TANK: variants seen among roughly 807,000 people sequenced by gnomAD.
The protein encoded by TANK is TRAF family member-associated NF-kappa-B activator.
In TANK, 15 loss-of-function variants were observed where a neutral mutation model predicts 43.6. The observed-to-expected ratio is 0.34, with a 90% CI of 0.23 to 0.53. TANK has a LOEUF of 0.53. Among genes scored for constraint, TANK ranks in the 20% least tolerant of loss-of-function variants. TANK has a pLI of 0.94. For missense variants in TANK, 417 were observed against 498.6 expected (o/e 0.84, Z 1.56); for synonymous variants, 162 against 178.2 (o/e 0.91, Z 0.73).
At chr2:161,139,100 T>C (rs1361809942) in intron 1 of TANK, among the ~76,000 whole-genome samples, 3 of 152,224 alleles carry the variant, frequency 2.0e-5, no homozygotes, top group Non-Finnish European at 2.9e-5. Flanking sequence ...CCTCATTTTT[T>C]CTAAATTACT....
chr2:161,221,126 C>T (rs1207943558), intron 4 of TANK, among the ~76,000 whole-genome samples: 10 of 152,070 alleles, frequency 6.6e-5, no homozygotes, highest in African/African-American at 1.2e-4. Context: ...ACTTACCCAG[C>T]GACATACTGG....
intron 1 of TANK, chr2:161,137,311 C>A: frequency 1.1e-6 from 1 of 920,844 alleles, no homozygotes; most frequent in Non-Finnish European, 1.3e-6. Context: ...ATCACTTGAG[C>A]CCAGGAGTTT....
chr2:161,214,064 T>G (rs887817757), intron 4 of TANK, among the ~76,000 whole-genome samples: 5 of 152,208 alleles, frequency 3.3e-5, no homozygotes, highest in Admixed American at 2.0e-4. Context: ...CATCACTGAT[T>G]GCATCAGAAA....
At position 161,160,448 on chromosome 2, in the gene TANK, C is replaced by T. The variant is rs574479206; in HGVS notation, c.-88C>T. 22 of 1,239,044 alleles carry T rather than the reference C, an allele frequency of 1.8e-5. No individual in the cohort carries two copies. In the African/African-American group the frequency reaches 2.5e-4, roughly 14 times the overall value. The allele number at this position is 1,239,044 out of a possible 1,614,324, so 76.8% of individuals were successfully genotyped here. ...GAGTCACTCGGCCAGGCGCCGGCGACCTGAGGGGAGAGGGAACGCAGCTGA... is the reference window on the plus strand; with the variant it reads ...GAGTCACTCGGCCAGGCGCCGGCGATCTGAGGGGAGAGGGAACGCAGCTGA... On this transcript the variant is annotated 5_prime_UTR_variant, in exon 1 of 8. Transcript: ENST00000392749.
At chr2:161,146,780 T>C (rs1455500994) in intron 1 of TANK, among the ~76,000 whole-genome samples, 1 of 152,118 alleles carries the variant, frequency 6.6e-6, no homozygotes, top group Non-Finnish European at 1.5e-5. Context: ...ATGACCCCTG[T>C]TGGAGGGTCT....
chr2:161,196,336 A>G (rs1243030336), intron 2 of TANK, among the ~76,000 whole-genome samples: 1 of 152,178 alleles, frequency 6.6e-6, no homozygotes, highest in Non-Finnish European at 1.5e-5. Flanking sequence ...ATAGATCTAT[A>G]GCTTAGAAGA....
intron 2 of TANK, among the ~76,000 whole-genome samples, chr2:161,202,045 G>T (rs1371884826): frequency 6.6e-6 from 1 of 152,176 alleles, no homozygotes; most frequent in Admixed American, 6.5e-5. Context: ...AACTATGTAA[G>T]ACTGCCTTTA....
At chr2:161,209,974 T>TA (rs1353483663) in intron 4 of TANK, among the ~76,000 whole-genome samples, 22 of 152,356 alleles carry the variant, frequency 1.4e-4, no homozygotes, top group Middle Eastern at 3.4e-3. Flanking sequence ...CATGTCTATA[T>TA]ATTTCTAATT....
At chr2:161,179,017 A>C (rs1382814817) in intron 1 of TANK, among the ~76,000 whole-genome samples, 1 of 152,148 alleles carries the variant, frequency 6.6e-6, no homozygotes, top group Non-Finnish European at 1.5e-5. Context: ...GAAGTTGGAA[A>C]ACTAGTCGGT....
At chr2:161,205,515 C>G (rs1434386744) in intron 4 of TANK, among the ~76,000 whole-genome samples, 4 of 151,998 alleles carry the variant, frequency 2.6e-5, no homozygotes, top group Admixed American at 6.6e-5. Context: ...GAAAAATACA[C>G]CCAACTAGCT....
chr2:161,200,769 G>C (rs149147141), intron 2 of TANK, among the ~76,000 whole-genome samples: 215 of 150,104 alleles, frequency 1.4e-3, no homozygotes, highest in Non-Finnish European at 2.7e-3. Context: ...ATTTCTGAAA[G>C]CATATCTGTT....
At chr2:161,182,409 C>A (rs1449101110) in intron 2 of TANK, among the ~76,000 whole-genome samples, 1 of 152,120 alleles carries the variant, frequency 6.6e-6, no homozygotes, top group Admixed American at 6.6e-5. Flanking sequence ...TCCCACAATC[C>A]CCTCTTTGGG....
At chr2:161,196,691 C>G (rs1442336799) in intron 2 of TANK, among the ~76,000 whole-genome samples, 1 of 152,106 alleles carries the variant, frequency 6.6e-6, no homozygotes, top group Non-Finnish European at 1.5e-5. Flanking sequence ...CTTGTCTCTT[C>G]TAAAAATATA....
chr2:161,149,541 G>T (rs547943096), intron 1 of TANK, among the ~76,000 whole-genome samples: 7 of 152,308 alleles, frequency 4.6e-5, no homozygotes, highest in African/African-American at 9.6e-5. Flanking sequence ...AGTGGTGAAA[G>T]AAAGTGTCCT....
chr2:161,228,908 A>G (rs1383501234), intron 6 of TANK, among the ~76,000 whole-genome samples: 1 of 152,262 alleles, frequency 6.6e-6, no homozygotes, highest in Admixed American at 6.5e-5. Flanking sequence ...ACAATAGGCT[A>G]TACCATATAA....
intron 6 of TANK, among the ~76,000 whole-genome samples, chr2:161,229,291 C>G (rs1033654701): frequency 6.6e-6 from 1 of 152,224 alleles, no homozygotes; most frequent in East Asian, 1.9e-4. Flanking sequence ...GGAGAGATGA[C>G]CAGGGGCCAG....
chr2:161,145,369 G>A (rs1683880390), intron 1 of TANK, among the ~76,000 whole-genome samples: 1 of 151,684 alleles, frequency 6.6e-6, no homozygotes, highest in South Asian at 2.1e-4. Flanking sequence ...CTGTCATCGT[G>A]ATGCTATCTG....
intron 4 of TANK, among the ~76,000 whole-genome samples, chr2:161,212,930 T>C (rs1686956341): frequency 6.6e-6 from 1 of 152,224 alleles, no homozygotes; most frequent in South Asian, 2.1e-4. Context: ...AAGTTCAAGA[T>C]TGGACATTGA....
chr2:161,199,654 A>T (rs1686315864), intron 2 of TANK, among the ~76,000 whole-genome samples: 1 of 152,224 alleles, frequency 6.6e-6, no homozygotes, highest in Non-Finnish European at 1.5e-5. Context: ...CATAATCCAG[A>T]GTATGGGCAA....
Sources: allele counts gnomAD v4.1 joint callset (sites outside exome capture counted in the v4.1 genomes callset), GRCh38; gene constraint gnomAD v4.1.1; transcripts MANE v1.5; gene names NCBI Gene and HGNC (gene_info 2026-07-23, HGNC 2026-07-21).